NR1H4: variants seen among roughly 807,000 people sequenced by gnomAD.
The protein encoded by NR1H4 is nuclear receptor subfamily 1 group H member 4, also known as bile acid receptor.
Under a neutral mutation model 58.5 loss-of-function variants are expected in NR1H4, and 23 were observed. That is an observed-to-expected ratio of 0.39 (90% CI 0.28 to 0.56). NR1H4 has a LOEUF of 0.56. Among genes scored for constraint, NR1H4 ranks in the 20% least tolerant of loss-of-function variants. The probability of loss-of-function intolerance (pLI) is 0.58; values close to 1 mark genes in which losing one functional copy is unlikely to be tolerated. For synonymous variants in NR1H4, 214 were observed against 198.0 expected (o/e 1.08, Z -0.68); for missense variants, 487 against 576.9 (o/e 0.84, Z 1.60).
At chr12:100,536,022 CTT>C (rs1415245531) in intron 6 of NR1H4, among the ~76,000 whole-genome samples, 1 of 152,072 alleles carries the variant, frequency 6.6e-6, no homozygotes, top group African/African-American at 2.4e-5. Context: ...TCCAATAAAA[CTT>C]TATAAAATCC....
chr12:100,499,191 G>T (rs972175023), intron 3 of NR1H4, among the ~76,000 whole-genome samples: 1 of 152,234 alleles, frequency 6.6e-6, no homozygotes, highest in Non-Finnish European at 1.5e-5. Flanking sequence ...GTTTTGAGAT[G>T]CAGTTTGTAG....
At chr12:100,537,790 T>C (rs1954847530) in intron 8 of NR1H4, among the ~76,000 whole-genome samples, 1 of 152,234 alleles carries the variant, frequency 6.6e-6, no homozygotes, top group Non-Finnish European at 1.5e-5. Context: ...CTTGGCTCAC[T>C]GCAACCTCTG....
chr12:100,550,775 G>A (rs1955186452), intron 9 of NR1H4, among the ~76,000 whole-genome samples: 1 of 152,068 alleles, frequency 6.6e-6, no homozygotes, highest in African/African-American at 2.4e-5. Context: ...TAGTAGTTTT[G>A]GGCCTTTTTC....
At chr12:100,521,355 A>T (rs1412595047) in intron 4 of NR1H4, among the ~76,000 whole-genome samples, 1 of 152,208 alleles carries the variant, frequency 6.6e-6, no homozygotes, top group African/African-American at 2.4e-5. Flanking sequence ...CTTTCTCAGG[A>T]CTAGATTAAA....
intron 9 of NR1H4, among the ~76,000 whole-genome samples, chr12:100,553,725 A>G (rs991455522): frequency 1.3e-5 from 2 of 152,194 alleles, no homozygotes. Context: ...GATCCATCTC[A>G]TCTTTCTGCT....
At chr12:100,497,664 G>A (rs1953745545) in intron 3 of NR1H4, among the ~76,000 whole-genome samples, 1 of 152,138 alleles carries the variant, frequency 6.6e-6, no homozygotes, top group Non-Finnish European at 1.5e-5. Context: ...GATCCTGCAA[G>A]CCAGGAAGCT....
rs563183562 is a variant in NR1H4, at chr12:100,549,536, T to A, written c.1078+8718T>A. 2.6e-5 allele frequency among the ~76,000 whole-genome samples: 4 copies of A among 152,194 alleles called. No homozygotes were observed. The South Asian group carries it at 8.3e-4, about 32-fold the overall frequency. ...TAAAGAGAACTACTAATGCAATAAC[T>A]GGGTGAGAAATGATGAGGGTCTTGC... On this transcript the variant is annotated intron_variant, in intron 9 of 10. Coordinates refer to ENST00000392986, the MANE Select transcript of NR1H4 (RefSeq NM_001206979.2).
intron 4 of NR1H4, among the ~76,000 whole-genome samples, chr12:100,529,454 C>T (rs1456763042): frequency 6.6e-6 from 1 of 152,148 alleles, no homozygotes; most frequent in Admixed American, 6.5e-5. Flanking sequence ...AATGGCTTCC[C>T]TCTTTCAACA....
chr12:100,495,037 G>C (rs1953683328), intron 3 of NR1H4, among the ~76,000 whole-genome samples: 1 of 152,072 alleles, frequency 6.6e-6, no homozygotes, highest in African/African-American at 2.4e-5. Flanking sequence ...GCAGCCATAA[G>C]GTGAAAAAGA....
At position 100,540,621 on chromosome 12, in the gene NR1H4, C is replaced by G. The variant is rs757053774; in HGVS notation, c.932-51C>G. ...TTTTATCAATGGCAATGATGGTGATCATGAAATATTGTTACTCCTTGATAC... is the reference window on the plus strand; with the variant it reads ...TTTTATCAATGGCAATGATGGTGATGATGAAATATTGTTACTCCTTGATAC... On this transcript the variant is annotated intron_variant, in intron 8 of 10. Transcript: ENST00000392986. 5.0e-5 allele frequency: 79 copies of G among 1,577,908 alleles called. 1 individual carries two copies. The South Asian group carries it at 8.8e-4, about 17-fold the overall frequency.
chr12:100,539,778 A>T (rs1309603302), intron 8 of NR1H4, among the ~76,000 whole-genome samples: 1 of 152,202 alleles, frequency 6.6e-6, no homozygotes. Flanking sequence ...AAGCAAATAA[A>T]TCTATAATAT....
chr12:100,486,203 C>A (rs1356638192), intron 1 of NR1H4, among the ~76,000 whole-genome samples: 2 of 152,126 alleles, frequency 1.3e-5, no homozygotes, highest in South Asian at 4.1e-4. Flanking sequence ...CCCTTAATCT[C>A]CTCATGTCTC....
At chr12:100,487,990 A>G (rs1353241915) in intron 1 of NR1H4, among the ~76,000 whole-genome samples, 2 of 151,326 alleles carry the variant, frequency 1.3e-5, no homozygotes, top group Non-Finnish European at 2.9e-5. Flanking sequence ...ATCACCTGAC[A>G]ATGTTGTTTT....
At chr12:100,500,654 TG>T (rs56886046) in intron 3 of NR1H4, among the ~76,000 whole-genome samples, 1 of 152,194 alleles carries the variant, frequency 6.6e-6, no homozygotes, top group Non-Finnish European at 1.5e-5. Flanking sequence ...GATTGGATCA[TG>T]GGGGTGGTTT....
At chr12:100,527,057 A>C (rs1488212229) in intron 4 of NR1H4, among the ~76,000 whole-genome samples, 1 of 152,234 alleles carries the variant, frequency 6.6e-6, no homozygotes, top group Non-Finnish European at 1.5e-5. Context: ...CTTTCATCTT[A>C]ATGCTCCTAC....
chr12:100,518,788 C>CTT lies in NR1H4; in HGVS notation c.445+7666_445+7667dup, dbSNP rs34055370. Reference sequence around the variant, plus strand: ...GCTGAACACTGTTCTTGACCAATGACTTTTTTTTTTTTTTTTTTTTTTGAG... The same window carrying CTT: ...GCTGAACACTGTTCTTGACCAATGACTTTTTTTTTTTTTTTTTTTTTTTTGAG... On this transcript the variant is annotated intron_variant, in intron 4 of 10. Coordinates refer to ENST00000392986, the MANE Select transcript of NR1H4 (RefSeq NM_001206979.2). Among the ~76,000 whole-genome samples, 457 of 119,230 alleles carry CTT rather than the reference C, an allele frequency of 3.8e-3. 3 individuals are homozygous for CTT. Among genetic ancestry groups the CTT allele is most frequent in the Non-Finnish European group, 5.1e-3 (298 of 58,066 alleles). 78.2% of individuals were successfully genotyped at this position (119,230 alleles called of 152,430 possible).
chr12:100,503,676 G>A (rs1366756349), intron 3 of NR1H4, among the ~76,000 whole-genome samples: 7 of 152,080 alleles, frequency 4.6e-5, no homozygotes, highest in South Asian at 2.1e-4. Flanking sequence ...CTAAACAGAC[G>A]AATATCTTAT....
intron 3 of NR1H4, chr12:100,503,545 C>T: frequency 6.7e-7 from 1 of 1,490,018 alleles, no homozygotes. Context: ...TGCAACTGGA[C>T]TGAGGAAATC....
At chr12:100,555,113 G>A (rs1955293095) in intron 9 of NR1H4, among the ~76,000 whole-genome samples, 1 of 152,166 alleles carries the variant, frequency 6.6e-6, no homozygotes, top group Non-Finnish European at 1.5e-5. Context: ...TCTCTGGAGG[G>A]TGTGTGGGGA....
Sources: allele counts gnomAD v4.1 joint callset (sites outside exome capture counted in the v4.1 genomes callset), GRCh38; gene constraint gnomAD v4.1.1; transcripts MANE v1.5; gene names NCBI Gene and HGNC (gene_info 2026-07-23, HGNC 2026-07-21).